Variants in CNTNAP5 observed in about 807,000 individuals in gnomAD.
CNTNAP5 encodes contactin-associated protein-like 5.
CNTNAP5 carries 72 observed loss-of-function variants against 150.2 expected under a neutral mutation model. That is an observed-to-expected ratio of 0.48 (90% CI 0.40 to 0.58). The LOEUF is 0.58. CNTNAP5 is among the 20% of genes least tolerant of loss of function. CNTNAP5 has a pLI of 0.00. For missense variants in CNTNAP5, 1,636 were observed against 1,626.2 expected (o/e 1.01, Z -0.10); for synonymous variants, 672 against 619.8 (o/e 1.08, Z -1.25).
chr2:124,058,915 A>G (rs372455951), intron 1 of CNTNAP5, among the ~76,000 whole-genome samples: 4 of 152,182 alleles, frequency 2.6e-5, no homozygotes, highest in African/African-American at 7.2e-5. Flanking sequence ...AGGGATATTT[A>G]ATTGGCCATG....
chr2:124,258,841 C>A (rs1445965967), intron 3 of CNTNAP5, among the ~76,000 whole-genome samples: 1 of 151,420 alleles, frequency 6.6e-6, no homozygotes, highest in Non-Finnish European at 1.5e-5. Context: ...ATTTTAAAAG[C>A]ATGTATTAAT....
intron 3 of CNTNAP5, among the ~76,000 whole-genome samples, chr2:124,389,340 T>TA (rs1247363325): frequency 3.3e-5 from 5 of 152,246 alleles, no homozygotes; most frequent in Non-Finnish European, 7.3e-5. Flanking sequence ...TCAGTTTTTT[T>TA]AAATGATTGT....
At chr2:124,877,228 T>C (rs2104733660) in intron 21 of CNTNAP5, among the ~76,000 whole-genome samples, 1 of 152,240 alleles carries the variant, frequency 6.6e-6, no homozygotes, top group East Asian at 1.9e-4. Flanking sequence ...TCTGTAGAAG[T>C]TGTCTGTTTT....
intron 1 of CNTNAP5, among the ~76,000 whole-genome samples, chr2:124,041,010 T>C (rs1214953263): frequency 6.6e-6 from 1 of 152,198 alleles, no homozygotes; most frequent in East Asian, 1.9e-4. Context: ...AAATCTTTCC[T>C]AGCCATGAAT....
intron 11 of CNTNAP5, among the ~76,000 whole-genome samples, chr2:124,603,911 C>T (rs1483911894): frequency 6.6e-6 from 1 of 152,000 alleles, no homozygotes; most frequent in African/African-American, 2.4e-5. Context: ...TTTTTATGCC[C>T]AAATTGTCCC....
In CNTNAP5 at chr2:124,292,569, T is replaced by A. The variant is rs570184255; in HGVS notation, c.381+50176T>A. Reference sequence around the variant, plus strand: ...TCAGAAAGAAATAAAATTGAGAAAGTCTATGATTTCACATAAACCTCAATC... The same window carrying A: ...TCAGAAAGAAATAAAATTGAGAAAGACTATGATTTCACATAAACCTCAATC... On this transcript the variant is annotated intron_variant, in intron 3 of 23. Coordinates refer to ENST00000682447, the MANE Select transcript of CNTNAP5 (RefSeq NM_001367498.1). Among the ~76,000 whole-genome samples the A allele has an allele frequency of 1.7e-3, 256 of 152,200 alleles. 1 individual carries two copies. The highest frequency in any genetic ancestry group is 2.6e-3 in the Non-Finnish European group (180 of 67,984).
intron 1 of CNTNAP5, among the ~76,000 whole-genome samples, chr2:124,123,928 G>T (rs1171185243): frequency 1.3e-5 from 2 of 152,082 alleles, no homozygotes; most frequent in South Asian, 4.2e-4. Context: ...AAGACCAAAG[G>T]TAGTTAAAAC....
intron 1 of CNTNAP5, among the ~76,000 whole-genome samples, chr2:124,083,731 C>T (rs1682614294): frequency 6.6e-6 from 1 of 151,940 alleles, no homozygotes; most frequent in Non-Finnish European, 1.5e-5. Flanking sequence ...ATTGAGTAGA[C>T]TAATTTATCC....
intron 3 of CNTNAP5, among the ~76,000 whole-genome samples, chr2:124,279,435 A>G (rs1377760321): frequency 1.3e-5 from 2 of 152,118 alleles, no homozygotes; most frequent in Non-Finnish European, 2.9e-5. Context: ...GTATGAGCTC[A>G]TATAACAGAG....
chr2:124,302,490 T>C (rs568958653), intron 3 of CNTNAP5, among the ~76,000 whole-genome samples: 2 of 152,258 alleles, frequency 1.3e-5, no homozygotes, highest in East Asian at 3.9e-4. Flanking sequence ...CATGGCAGAA[T>C]GTGAAGGGAC....
At chr2:124,398,094 C>G (rs76232123) in intron 3 of CNTNAP5, among the ~76,000 whole-genome samples, 2,153 of 152,276 alleles carry the variant, frequency 0.014, 50 homozygotes, top group African/African-American at 0.049. Context: ...CACTGAGTTT[C>G]TGGGAACAAC....
At chr2:124,477,656 A>AT (rs34441550) in intron 7 of CNTNAP5, among the ~76,000 whole-genome samples, 156 of 127,470 alleles carry the variant, frequency 1.2e-3, no homozygotes, top group African/African-American at 2.9e-3. Context: ...TGCTCATGAC[A>AT]TTTTTTTTTT....
intron 3 of CNTNAP5, among the ~76,000 whole-genome samples, chr2:124,336,566 T>A (rs948778403): frequency 1.4e-4 from 18 of 126,578 alleles, no homozygotes; most frequent in Non-Finnish European, 2.9e-4. Flanking sequence ...GATGTTCCCC[T>A]TCCTGTGTCC....
chr2:124,919,886 G>A lies in CNTNAP5; in HGVS notation c.*5598G>A, dbSNP rs1004925066. On this transcript the variant is annotated 3_prime_UTR_variant, in exon 24 of 24. Transcript: ENST00000682447. ...ATGAAACTGTCAGAAAACTGCCCTA[G>A]GTCTATTATCAATCAGAGCCCCTGT... is the stretch of plus-strand genomic sequence containing the variant. Among the ~76,000 whole-genome samples the A allele has an allele frequency of 2.6e-5, 4 of 151,858 alleles. No homozygotes were observed. Among genetic ancestry groups the A allele is most frequent in the African/African-American group, 9.7e-5 (4 of 41,350 alleles).
intron 13 of CNTNAP5, among the ~76,000 whole-genome samples, chr2:124,713,318 C>CCTTTCTTTCTTTCTTTCTTTCTTTCTTT (rs200942591): frequency 4.5e-5 from 2 of 43,964 alleles, no homozygotes; most frequent in African/African-American, 7.8e-5. Flanking sequence ...CTCTTTCTTT[C>CCTTTCTTTCTTTCTTTCTTTCTTTCTTT]CTTTCTTTCT....
At chr2:124,196,300 G>A (rs566053922) in intron 1 of CNTNAP5, among the ~76,000 whole-genome samples, 5 of 152,228 alleles carry the variant, frequency 3.3e-5, no homozygotes, top group Admixed American at 2.0e-4. Flanking sequence ...TCCACATCCT[G>A]GATCTTCACT....
At chr2:124,794,780 A>C (rs377117636) in intron 18 of CNTNAP5, among the ~76,000 whole-genome samples, 3 of 152,238 alleles carry the variant, frequency 2.0e-5, no homozygotes, top group East Asian at 3.9e-4. Context: ...CTCACCTCCT[A>C]TCCTCCTCCT....
At chr2:124,399,016 AGAC>A (rs1691336691) in intron 3 of CNTNAP5, among the ~76,000 whole-genome samples, 1 of 152,196 alleles carries the variant, frequency 6.6e-6, no homozygotes, top group Non-Finnish European at 1.5e-5. Flanking sequence ...TCAATTTACC[AGAC>A]AACTTGGCAA....
At chr2:124,100,946 A>T (rs1683049488) in intron 1 of CNTNAP5, among the ~76,000 whole-genome samples, 1 of 152,086 alleles carries the variant, frequency 6.6e-6, no homozygotes, top group Admixed American at 6.5e-5. Flanking sequence ...AAGATTCTCA[A>T]TTCTTAATTC....
Sources: gnomAD v4.1 joint callset for allele counts (sites outside exome capture counted in the v4.1 genomes callset) on GRCh38, gnomAD v4.1.1 for gene constraint, MANE v1.5 for transcripts, NCBI Gene and HGNC (gene_info 2026-07-23, HGNC 2026-07-21) for gene names.